Variants in CDCP1 observed in about 807,000 individuals in gnomAD.
CDCP1 encodes CUB domain-containing protein 1.
Under a neutral mutation model 60.2 loss-of-function variants are expected in CDCP1, and 29 were observed. That is an observed-to-expected ratio of 0.48 (90% confidence interval 0.36 to 0.66). The LOEUF is 0.66. Ranked by LOEUF, CDCP1 falls within the 30% of genes least tolerant of loss-of-function variation. The pLI, the probability that CDCP1 is intolerant of heterozygous loss-of-function variation, is 0.00. For synonymous variants in CDCP1, 387 were observed against 431.1 expected (o/e 0.90, Z 1.27); for missense variants, 876 against 1,074.3 (o/e 0.82, Z 2.58).
intron 1 of CDCP1, among the ~76,000 whole-genome samples, chr3:45,121,453 C>T (rs963357763): frequency 6.6e-6 from 1 of 152,176 alleles, no homozygotes; most frequent in African/African-American, 2.4e-5. Context: ...AAAAAAAATT[C>T]TTGGAGCCCT....
At chr3:45,131,840 C>T (rs1055890326) in intron 1 of CDCP1, among the ~76,000 whole-genome samples, 3 of 152,184 alleles carry the variant, frequency 2.0e-5, no homozygotes, top group African/African-American at 7.2e-5. Flanking sequence ...CATTCAGAGA[C>T]CTTACCTTGG....
chr3:45,094,579 T>G (rs1385957688), intron 5 of CDCP1, among the ~76,000 whole-genome samples: 1 of 152,010 alleles, frequency 6.6e-6, no homozygotes, highest in African/African-American at 2.4e-5. Context: ...ATTTTTCAAG[T>G]GACTAGTGCA....
intron 1 of CDCP1, among the ~76,000 whole-genome samples, chr3:45,142,108 CAGGCGTGAG>C (rs1233750246): frequency 6.6e-6 from 1 of 152,174 alleles, no homozygotes; most frequent in African/African-American, 2.4e-5. Context: ...GTTGGGATTA[CAGGCGTGAG>C]CCACTGCGCC....
intron 1 of CDCP1, among the ~76,000 whole-genome samples, chr3:45,143,320 T>A (rs1265592487): frequency 6.6e-6 from 1 of 152,242 alleles, no homozygotes; most frequent in African/African-American, 2.4e-5. Flanking sequence ...ATGAGGATAA[T>A]GGTTCATCCT....
At chr3:45,121,450 A>T (rs1190757845) in intron 1 of CDCP1, among the ~76,000 whole-genome samples, 2 of 152,218 alleles carry the variant, frequency 1.3e-5, no homozygotes, top group African/African-American at 4.8e-5. Context: ...TGTAAAAAAA[A>T]TTCTTGGAGC....
chr3:45,136,788 T>C (rs905700009), intron 1 of CDCP1, among the ~76,000 whole-genome samples: 1 of 152,232 alleles, frequency 6.6e-6, no homozygotes, highest in Admixed American at 6.5e-5. Context: ...GCTATATTCA[T>C]ACCTGGCTTT....
chr3:45,107,084 G>GA, intron 4 of CDCP1, among the ~76,000 whole-genome samples: 1 of 152,134 alleles, frequency 6.6e-6, no homozygotes, highest in African/African-American at 2.4e-5. Context: ...CCACTCTCCT[G>GA]CCTCCAACCT....
At chr3:45,140,494 T>C (rs1483511614) in intron 1 of CDCP1, among the ~76,000 whole-genome samples, 1 of 152,340 alleles carries the variant, frequency 6.6e-6, no homozygotes, top group South Asian at 2.1e-4. Context: ...ATTCCCACCC[T>C]GAGGGGAGGC....
intron 1 of CDCP1, among the ~76,000 whole-genome samples, chr3:45,136,300 T>C (rs1699189325): frequency 2.0e-5 from 3 of 152,176 alleles, no homozygotes; most frequent in Non-Finnish European, 4.4e-5. Context: ...AGAGAGACTG[T>C]GGGTCAAAGT....
intron 3 of CDCP1, among the ~76,000 whole-genome samples, chr3:45,111,509 C>G (rs1391526489): frequency 2.0e-5 from 3 of 152,010 alleles, no homozygotes; most frequent in Non-Finnish European, 4.4e-5. Context: ...AACCCCGTAT[C>G]TACTAAAAAT....
intron 2 of CDCP1, among the ~76,000 whole-genome samples, chr3:45,116,446 G>A (rs571649363): frequency 6.6e-6 from 1 of 150,614 alleles, no homozygotes; most frequent in South Asian, 2.1e-4. Context: ...ATCATCTATT[G>A]AGATAATCAT....
In CDCP1 at chr3:45,091,591, G is replaced by A. The variant is rs1337871162; in HGVS notation, c.1628-53C>T. The A allele has an allele frequency of 1.3e-6, 2 of 1,522,344 alleles. No homozygotes were observed. Among genetic ancestry groups the A allele is most frequent in the East Asian group, 4.6e-5 (2 of 43,308 alleles). 94.3% of individuals were successfully genotyped at this position (1,522,344 alleles called of 1,614,324 possible). ...AGATGTTTCATTCAGTCAACATGGA[G>A]AGGAAAGGGAGTGGTGGAGGAGACG... On this transcript the variant is annotated intron_variant, in intron 6 of 8. Coordinates refer to ENST00000296129, the MANE Select transcript of CDCP1 (RefSeq NM_022842.5). The surrounding 1 kb of genome is among the most constrained non-coding windows in gnomAD (Gnocchi z 4.8).
intron 1 of CDCP1, among the ~76,000 whole-genome samples, chr3:45,141,426 A>T (rs1699288633): frequency 6.6e-6 from 1 of 152,182 alleles, no homozygotes; most frequent in Admixed American, 6.5e-5. Context: ...AAACTGTTAG[A>T]GGTTTTGCAT....
At chr3:45,130,348 T>G (rs1020958324) in intron 1 of CDCP1, among the ~76,000 whole-genome samples, 1 of 152,124 alleles carries the variant, frequency 6.6e-6, no homozygotes, top group African/African-American at 2.4e-5. Context: ...CTTGAACTCC[T>G]GGGCTCAAGC....
intron 1 of CDCP1, among the ~76,000 whole-genome samples, chr3:45,136,452 A>G (rs1699192384): frequency 6.6e-6 from 1 of 152,210 alleles, no homozygotes; most frequent in African/African-American, 2.4e-5. Flanking sequence ...TCCTCATTCC[A>G]CTATATTCTG....
At chr3:45,134,401 G>A (rs1699158544) in intron 1 of CDCP1, among the ~76,000 whole-genome samples, 1 of 152,208 alleles carries the variant, frequency 6.6e-6, no homozygotes, top group Non-Finnish European at 1.5e-5. Flanking sequence ...TGGGATTACA[G>A]GCGCGGGCCA....
chr3:45,119,905 G>T (rs946689076), intron 1 of CDCP1, among the ~76,000 whole-genome samples: 1 of 152,324 alleles, frequency 6.6e-6, no homozygotes, highest in East Asian at 1.9e-4. Context: ...AGTTTGTCCT[G>T]CTCTGGACCT....
In CDCP1 at chr3:45,091,326, G is replaced by A. The variant is rs1262291486; in HGVS notation, c.1840C>T (p.Arg614Trp). The A allele has an allele frequency of 1.1e-5, 18 of 1,613,988 alleles. No homozygotes were observed. Among genetic ancestry groups the A allele is most frequent in the African/African-American group, 4.0e-5 (3 of 74,888 alleles). ...AFMIIQEQRTRAEEIFSLDED... is the reference protein window; with the variant it reads ...AFMIIQEQRTWAEEIFSLDED... ...TCCAGGCTGAAGATCTCCTCAGCCC[G>A]GGTCCGCTGCTCCTGGATGATCATG... is the stretch of plus-strand genomic sequence containing the variant. The change falls in exon 7 of 9, where the codon CGG (arginine) becomes TGG (tryptophan). Residue 614 changes from arginine (R) to tryptophan (W), a missense_variant. Transcript: ENST00000296129. This position sits in a 1 kb window ranked among gnomAD's most constrained non-coding sequence, Gnocchi z 4.8.
In CDCP1 at chr3:45,131,390, C is replaced by G. The variant is rs1699091182; in HGVS notation, c.83-12769G>C. On this transcript the variant is annotated intron_variant, in intron 1 of 8. Transcript: ENST00000296129. ...TCACACTGTTGTGCAACCATTACCA[C>G]CATCCGCCTCTGGAATGTTTTCATT... is the stretch of plus-strand genomic sequence containing the variant. Among the ~76,000 whole-genome samples, 5 of 152,178 alleles carry G rather than the reference C, an allele frequency of 3.3e-5. No homozygotes were observed. In the South Asian group the frequency reaches 1.0e-3, roughly 32 times the overall value.
Sources: allele counts gnomAD v4.1 joint callset (sites outside exome capture counted in the v4.1 genomes callset), GRCh38; gene constraint gnomAD v4.1.1; non-coding constraint Gnocchi (gnomAD v3.1); transcripts MANE v1.5; gene names NCBI Gene and HGNC (gene_info 2026-07-23, HGNC 2026-07-21).